Variants in EVC2 observed in about 807,000 individuals in gnomAD.
EVC2 encodes the protein EvC ciliary complex subunit 2.
Under a neutral mutation model 149.3 loss-of-function variants are expected in EVC2, and 148 were observed. That is an observed-to-expected ratio of 0.99 (90% CI 0.87 to 1.14). The LOEUF is 1.14. Among genes scored for constraint, EVC2 ranks in the 50% most tolerant of loss-of-function variants. The pLI is 0.00. For missense variants in EVC2, 1,854 were observed against 1,627.3 expected, an observed-to-expected ratio of 1.14 and a Z score of -2.40; for synonymous variants, 776 against 649.9, an observed-to-expected ratio of 1.19 and a Z score of -2.95.
At chr4:5,632,184 ATGCGCATGCAGTG>A (rs1305146638) in intron 10 of EVC2, 152 bp from the exon 11 acceptor site, 1 of 1,048,488 alleles carries the variant, frequency 9.5e-7, no homozygotes, top group African/African-American at 1.6e-5. Context: ...ATATACACAC[ATGCGCATGCAGTG>A]TGTGCATGCA....
At position 5,628,413 on chromosome 4, in the gene EVC2, C is replaced by T. The variant is rs1022781415; in HGVS notation, c.1886+146G>A. On this transcript the variant is annotated intron_variant, in intron 12 of 21. Transcript: ENST00000344408. Reference sequence around the variant, plus strand: ...TGTTATGATGAAGTAAGAAGGCCCTCACTCGATCTTGAACTTCCCAGCCTC... The same window carrying T: ...TGTTATGATGAAGTAAGAAGGCCCTTACTCGATCTTGAACTTCCCAGCCTC... 26 of 983,438 alleles carry T rather than the reference C, an allele frequency of 2.6e-5. No homozygotes were observed. The South Asian group carries it at 3.6e-4, about 14-fold the overall frequency. 60.9% of individuals were successfully genotyped at this position (983,438 alleles called of 1,614,324 possible). A position where few individuals can be genotyped will look rare whatever the true frequency, so the allele number is the denominator to read the frequency against.
At chr4:5,543,012 G>A (rs10937650) in intron 22 of EVC2, 71,197 of 590,088 alleles carry the variant, frequency 0.12, 5,506 homozygotes, top group South Asian at 0.28. Context: ...TAAGTGATGC[G>A]GGCAGAGCAG....
chr4:5,593,943 T>C (rs1357442787), intron 16 of EVC2, among the ~76,000 whole-genome samples: 1 of 152,204 alleles, frequency 6.6e-6, no homozygotes, highest in Non-Finnish European at 1.5e-5. Flanking sequence ...TGGAGGGTCC[T>C]ACACCCATGG....
intron 19 of EVC2, among the ~76,000 whole-genome samples, chr4:5,573,005 C>T: frequency 6.6e-6 from 1 of 152,162 alleles, no homozygotes; most frequent in East Asian, 1.9e-4. Flanking sequence ...TCCCTTTATT[C>T]ATAAAACAGG....
intron 9 of EVC2, among the ~76,000 whole-genome samples, chr4:5,654,251 T>C (rs1370886111): frequency 6.6e-6 from 1 of 151,946 alleles, no homozygotes; most frequent in Non-Finnish European, 1.5e-5. Flanking sequence ...ATATATCCTA[T>C]AGGGAGAAGA....
chr4:5,708,219 C>T, intron 1 of EVC2, 67 bp downstream of exon 1: 3 of 1,348,196 alleles, frequency 2.2e-6, no homozygotes, highest in South Asian at 1.6e-5. Context: ...TCCTCCCTGC[C>T]ACCGCCGGTG....
At position 5,708,508 on chromosome 4, in the gene EVC2, G is replaced by T; in HGVS notation, c.6C>A (p.Asp2Glu). M[D>E]PSGSRGRPTW... ...TGGGGCGCCCCCGGGAGCCCGAGGG[G>T]TCCATCGCCTGTCGGGACCCGCTAC... is the stretch of plus-strand genomic sequence containing the variant. The change falls in exon 1 of 22, where the codon GAC (aspartate) becomes GAA (glutamate). Residue 2 changes from aspartate to glutamate, a missense_variant. Asp to Glu is a conservative substitution (Grantham distance 45). Transcript: ENST00000344408. The T allele has an allele frequency of 6.8e-7, 1 of 1,469,642 alleles. No individual in the cohort carries two copies. The highest frequency in any genetic ancestry group is 8.9e-7 in the Non-Finnish European group (1 of 1,118,250). The allele number at this position is 1,469,642 out of a possible 1,614,324, so 91.0% of individuals were successfully genotyped here. A position where few individuals can be genotyped will look rare whatever the true frequency, so the allele number is the denominator to read the frequency against.
chr4:5,676,389 C>T, intron 7 of EVC2, among the ~76,000 whole-genome samples: 1 of 152,190 alleles, frequency 6.6e-6, no homozygotes, highest in Non-Finnish European at 1.5e-5. Context: ...AGCCTCACAT[C>T]TTTACCTTGT....
At chr4:5,537,556 A>G in the EVC2 span, among the ~76,000 whole-genome samples, 1 of 152,130 alleles carries the variant, frequency 6.6e-6, no homozygotes, top group Non-Finnish European at 1.5e-5. Context: ...TAAAAGCTAA[A>G]CTCAAAAGGA....
intron 7 of EVC2, among the ~76,000 whole-genome samples, chr4:5,676,855 T>G (rs532919870): frequency 6.6e-6 from 1 of 152,140 alleles, no homozygotes; most frequent in African/African-American, 2.4e-5. Context: ...GTCTTTTTTT[T>G]TCATGTAGTG....
intron 1 of EVC2, among the ~76,000 whole-genome samples, chr4:5,698,992 T>C (rs1370757462): frequency 6.6e-6 from 1 of 152,180 alleles, no homozygotes; most frequent in Admixed American, 6.5e-5. Flanking sequence ...TTGTGGCCAC[T>C]GTCTGTGTGT....
intron 17 of EVC2, among the ~76,000 whole-genome samples, chr4:5,578,610 A>T (rs867943518): frequency 8.5e-5 from 13 of 152,194 alleles, no homozygotes; most frequent in East Asian, 1.9e-4. Context: ...TGCTGAATGA[A>T]TGAATACATA....
the EVC2 span, among the ~76,000 whole-genome samples, chr4:5,536,782 T>TAA: frequency 7.8e-6 from 1 of 128,178 alleles, no homozygotes; most frequent in Admixed American, 8.0e-5. Context: ...AGACTCTGTC[T>TAA]CAAAAAAAAA....
In EVC2 at chr4:5,614,654, C is replaced by G. The variant is rs1715098722; in HGVS notation, c.2829+768G>C. On this transcript the variant is annotated intron_variant, in intron 16 of 21. Transcript: ENST00000344408. The surrounding 1 kb of genome is among the most constrained non-coding windows in gnomAD (Gnocchi z 4.7). The stretch of plus-strand genomic sequence containing the variant: ...ATACAGATTAAAGCATCCTAGGAGA[C>G]TGTGTGGTGTGTGCTAGAACATCAC... 6.6e-6 allele frequency among the ~76,000 whole-genome samples: 1 copy of G among 152,158 alleles called. No individual in the cohort carries two copies. Among genetic ancestry groups the G allele is most frequent in the African/African-American group, 2.4e-5 (1 of 41,436 alleles).
intron 17 of EVC2, among the ~76,000 whole-genome samples, chr4:5,578,988 C>A (rs1022586594): frequency 6.6e-6 from 1 of 152,108 alleles, no homozygotes; most frequent in Non-Finnish European, 1.5e-5. Context: ...TTCAAAGGGA[C>A]CCATGCCTGA....
chr4:5,625,882 A>C lies in EVC2; in HGVS notation c.1913T>G (p.Met638Arg), dbSNP rs1247108928. ...ERAGYLDEDQ[M>R]EMLLERAQTE... ...CTGAGCCCGCTCCAATAGCATTTCC[A>C]TTTGGTCTTCATCCAGGTACCCTGC... The change falls in exon 13 of 22, where the codon ATG becomes AGG. Residue 638 changes from methionine to arginine, a missense_variant. Met to Arg is a moderately conservative substitution (Grantham distance 91). Transcript: ENST00000344408. The surrounding 1 kb of genome is among the most constrained non-coding windows in gnomAD (Gnocchi z 4.0). 1 of 1,613,974 alleles carries C rather than the reference A, an allele frequency of 6.2e-7. No homozygotes were observed. Among genetic ancestry groups the C allele is most frequent in the East Asian group, 2.2e-5 (1 of 44,858 alleles).
chr4:5,570,579 C>T (rs1722582364), intron 19 of EVC2, among the ~76,000 whole-genome samples: 1 of 152,188 alleles, frequency 6.6e-6, no homozygotes, highest in Non-Finnish European at 1.5e-5. Context: ...CTATGGAAAA[C>T]AGTATGGAGG....
chr4:5,704,957 G>A (rs1417229888), intron 1 of EVC2, among the ~76,000 whole-genome samples: 1 of 152,044 alleles, frequency 6.6e-6, no homozygotes, highest in African/African-American at 2.4e-5. Context: ...CGATCCTCCT[G>A]ACTTAGCCTC....
Position 5,614,978 on chromosome 4 carries a change from A to G in EVC2, c.2829+444T>C, listed in dbSNP as rs1428902004. Among the ~76,000 whole-genome samples the G allele has an allele frequency of 1.3e-5, 2 of 152,190 alleles. No individual in the cohort carries two copies. The highest frequency in any genetic ancestry group is 4.8e-5 in the African/African-American group (2 of 41,452). ...GGTGACAGAGTAAGACTCCATTTCA[A>G]AAAAACCAAAACCAAACAAACAAAA... On this transcript the variant is annotated intron_variant, in intron 16 of 21. Transcript: ENST00000344408. This position sits in a 1 kb window ranked among gnomAD's most constrained non-coding sequence, Gnocchi z 4.7.
Sources: gnomAD v4.1 joint callset for allele counts (sites outside exome capture counted in the v4.1 genomes callset) on GRCh38, gnomAD v4.1.1 for gene constraint, Gnocchi (gnomAD v3.1) non-coding constraint, MANE v1.5 for transcripts, NCBI Gene and HGNC (gene_info 2026-07-23, HGNC 2026-07-21) for gene names.